Variants in RAPGEF4 observed in about 807,000 individuals in gnomAD.
RAPGEF4 encodes the protein Rap guanine nucleotide exchange factor 4.
A neutral mutation model predicts 147.9 loss-of-function variants in RAPGEF4; 66 were observed. The ratio of observed to expected loss-of-function variants is 0.45; its 90% confidence interval spans 0.37 to 0.55. The LOEUF (loss-of-function observed/expected upper bound fraction) is 0.55, where lower values mean the gene tolerates loss of function less well. RAPGEF4 is among the 20% of genes least tolerant of loss of function. The pLI is 0.00. For synonymous variants in RAPGEF4, 419 were observed against 442.7 expected, an observed-to-expected ratio of 0.95 and a Z score of 0.67; for missense variants, 1,071 against 1,257.3, an observed-to-expected ratio of 0.85 and a Z score of 2.24.
intron 6 of RAPGEF4, among the ~76,000 whole-genome samples, chr2:172,936,091 T>C (rs980635016): frequency 1.3e-5 from 2 of 152,156 alleles, no homozygotes; most frequent in African/African-American, 2.4e-5. Context: ...TAAGTGTTTT[T>C]AAAAATCTTC....
intron 6 of RAPGEF4, among the ~76,000 whole-genome samples, chr2:172,944,058 T>G (rs1453944198): frequency 6.6e-6 from 1 of 152,186 alleles, no homozygotes; most frequent in Non-Finnish European, 1.5e-5. Context: ...TAAAAACACT[T>G]AATACATAGA....
At chr2:172,913,190 C>T (rs1165407851) in intron 4 of RAPGEF4, among the ~76,000 whole-genome samples, 1 of 152,082 alleles carries the variant, frequency 6.6e-6, no homozygotes, top group Non-Finnish European at 1.5e-5. Context: ...GCCACTGCGC[C>T]CAGCCCTCAC....
intron 1 of RAPGEF4, chr2:172,744,136 C>T: frequency 9.7e-6 from 2 of 206,456 alleles, no homozygotes; most frequent in Non-Finnish European, 2.0e-5. Context: ...CTGCATTTTC[C>T]CTTTCCTATG....
chr2:172,755,935 A>T (rs1191406955), intron 1 of RAPGEF4, among the ~76,000 whole-genome samples: 1 of 152,312 alleles, frequency 6.6e-6, no homozygotes, highest in African/African-American at 2.4e-5. Flanking sequence ...CATCACTTGT[A>T]GACTCATGTA....
chr2:172,952,060 A>G (rs1489704935), intron 6 of RAPGEF4, among the ~76,000 whole-genome samples: 2 of 152,204 alleles, frequency 1.3e-5, no homozygotes, highest in African/African-American at 4.8e-5. Flanking sequence ...CCTGCCAGGC[A>G]TGGTAATTTA....
intron 16 of RAPGEF4, 33 bp from the exon 17 acceptor site, chr2:173,001,233 C>G: frequency 6.2e-7 from 1 of 1,606,024 alleles, no homozygotes. Context: ...CCACAAGAAC[C>G]TAATTTCCTT....
chr2:172,828,417 C>T (rs927045225), intron 4 of RAPGEF4, among the ~76,000 whole-genome samples: 1 of 152,214 alleles, frequency 6.6e-6, no homozygotes, highest in African/African-American at 2.4e-5. Flanking sequence ...CTTCTCTCAT[C>T]CTCAGGCTCT....
intron 23 of RAPGEF4, among the ~76,000 whole-genome samples, chr2:173,022,340 G>T (rs1696183178): frequency 6.6e-6 from 1 of 152,188 alleles, no homozygotes; most frequent in Non-Finnish European, 1.5e-5. Context: ...TCTGTTTTAA[G>T]GCCTCTGTCG....
At chr2:172,852,182 A>G (rs1692920220) in intron 4 of RAPGEF4, among the ~76,000 whole-genome samples, 2 of 152,122 alleles carry the variant, frequency 1.3e-5, no homozygotes, top group South Asian at 2.1e-4. Flanking sequence ...AGCACATTTC[A>G]TCTTTCTATT....
chr2:172,978,204 C>T lies in RAPGEF4; in HGVS notation c.1005-5292C>T, dbSNP rs77712560. Among the ~76,000 whole-genome samples the T allele has an allele frequency of 6.9e-3, 1,011 of 147,410 alleles. 15 individuals are homozygous for T. The highest frequency in any genetic ancestry group is 0.023 in the African/African-American group (907 of 40,260). ...GTGCAGATGTAGTGGTCACACCCCC[C>T]CCAGAGCTTCCCCTGGAAATGCTGG... is the stretch of plus-strand genomic sequence containing the variant. On this transcript the variant is annotated intron_variant, in intron 10 of 30. Coordinates refer to ENST00000397081, the MANE Select transcript of RAPGEF4 (RefSeq NM_007023.4).
chr2:172,985,416 T>C lies in RAPGEF4; in HGVS notation c.1090-17T>C, dbSNP rs775351643. 6.2e-7 allele frequency: 1 copy of C among 1,613,982 alleles called. No individual in the cohort carries two copies. The highest frequency in any genetic ancestry group is 8.5e-7 in the Non-Finnish European group (1 of 1,179,972). On this transcript the variant is annotated splice_polypyrimidine_tract_variant and intron_variant, in intron 11 of 30. Transcript: ENST00000397081. ...TGGAAATGTGGCCTTTGCATGTTTC[T>C]TCTGTTTTTCTTCTAGGTGAAACGA... is the stretch of plus-strand genomic sequence containing the variant.
intron 6 of RAPGEF4, among the ~76,000 whole-genome samples, chr2:172,924,220 G>C (rs1256713373): frequency 1.3e-5 from 2 of 152,194 alleles, no homozygotes; most frequent in Non-Finnish European, 2.9e-5. Context: ...AATGTTCTAG[G>C]CTCCAAAAGG....
chr2:172,907,781 G>T (rs1374598587), intron 4 of RAPGEF4, among the ~76,000 whole-genome samples: 1 of 151,910 alleles, frequency 6.6e-6, no homozygotes, highest in African/African-American at 2.4e-5. Flanking sequence ...AATATACTGG[G>T]GTTCACTTAA....
At chr2:173,019,606 C>T (rs1695854124) in intron 22 of RAPGEF4, among the ~76,000 whole-genome samples, 1 of 152,228 alleles carries the variant, frequency 6.6e-6, no homozygotes, top group African/African-American at 2.4e-5. Flanking sequence ...TGAGCCATTT[C>T]TGTCATGTTT....
intron 4 of RAPGEF4, among the ~76,000 whole-genome samples, chr2:172,912,705 T>A (rs1559115223): frequency 6.6e-6 from 1 of 152,170 alleles, no homozygotes; most frequent in African/African-American, 2.4e-5. Flanking sequence ...CCTTAAAATA[T>A]ACAGCTAAGA....
At chr2:172,963,159 A>C (rs896776271) in intron 8 of RAPGEF4, among the ~76,000 whole-genome samples, 1 of 152,146 alleles carries the variant, frequency 6.6e-6, no homozygotes, top group Non-Finnish European at 1.5e-5. Context: ...GAAAAGCAAA[A>C]GGGGAAAATT....
At chr2:172,816,840 T>A (rs1688562186) in intron 4 of RAPGEF4, among the ~76,000 whole-genome samples, 1 of 152,170 alleles carries the variant, frequency 6.6e-6, no homozygotes, top group South Asian at 2.1e-4. Flanking sequence ...AATCTCATAG[T>A]GAGTAAGAGA....
chr2:172,944,224 GA>G (rs533954178), intron 6 of RAPGEF4, among the ~76,000 whole-genome samples: 7 of 152,148 alleles, frequency 4.6e-5, no homozygotes, highest in Non-Finnish European at 8.8e-5. Context: ...CCTCACTGTA[GA>G]AAAAAAGAAG....
intron 15 of RAPGEF4, among the ~76,000 whole-genome samples, chr2:172,994,337 G>A (rs1166173529): frequency 2.6e-5 from 4 of 152,146 alleles, no homozygotes; most frequent in African/African-American, 9.7e-5. Flanking sequence ...AGCTAGACCT[G>A]GTCTCCATGT....
Sources: allele counts gnomAD v4.1 joint callset (sites outside exome capture counted in the v4.1 genomes callset), GRCh38; gene constraint gnomAD v4.1.1; transcripts MANE v1.5; gene names NCBI Gene and HGNC (gene_info 2026-07-23, HGNC 2026-07-21).